The following NASP variants were observed in gnomAD, a reference collection of about 807,000 sequenced individuals.
NASP encodes NASP histone chaperone.
In NASP, 24 loss-of-function variants were observed where a neutral mutation model predicts 89.5. The ratio of observed to expected loss-of-function variants is 0.27; its 90% CI spans 0.19 to 0.38. The LOEUF is 0.38. Ranked by LOEUF, NASP falls within the 10% of genes least tolerant of loss-of-function variation. The pLI, the probability that NASP is intolerant of heterozygous loss-of-function variation, is 1.00. For missense variants in NASP, 848 were observed against 921.4 expected, an observed-to-expected ratio of 0.92 and a Z score of 1.03; for synonymous variants, 306 against 324.7, an observed-to-expected ratio of 0.94 and a Z score of 0.62.
At chr1:45,610,999 T>TG (rs748718175) in intron 6 of NASP, 11 of 152,286 alleles carry the variant, frequency 7.2e-5, no homozygotes, top group Non-Finnish European at 1.5e-4. Context: ...ATTACAGGTG[T>TG]GAACCATTGC....
In NASP at chr1:45,591,261, A is replaced by G; in HGVS notation, c.98A>G (p.Lys33Arg). The change falls in exon 2 of 15, where the codon AAA (lysine) becomes AGA (arginine). Residue 33 changes from lysine to arginine, a missense_variant. Lys to Arg is a conservative substitution (Grantham distance 26). Transcript: ENST00000350030. Reference sequence around the variant, plus strand: ...CCTGCTCCTTCTACATCTGCAGATAAAGTGGAGAGGTAAGATTATTTACAT... The same window carrying G: ...CCTGCTCCTTCTACATCTGCAGATAGAGTGGAGAGGTAAGATTATTTACAT... ...DVPAPSTSADKVESLDVDSEA... is the reference protein window; with the variant it reads ...DVPAPSTSADRVESLDVDSEA... The G allele has an allele frequency of 6.5e-7, 1 of 1,542,296 alleles. No individual in the cohort carries two copies. The highest frequency in any genetic ancestry group is 8.7e-7 in the Non-Finnish European group (1 of 1,144,036).
chr1:45,605,083 C>A, intron 4 of NASP, 67 bp downstream of exon 4: 1 of 1,269,616 alleles, frequency 7.9e-7, no homozygotes, highest in Non-Finnish European at 1.2e-6. Context: ...TGAGATTTCA[C>A]AGGAGCTAAG....
At chr1:45,599,104 TAGAG>T (rs1476206371) in intron 2 of NASP, among the ~76,000 whole-genome samples, 2 of 152,088 alleles carry the variant, frequency 1.3e-5, no homozygotes, top group South Asian at 2.1e-4. Context: ...TTTTTTTAAA[TAGAG>T]AAAGAGTGTT....
intron 11 of NASP, 106 bp downstream of exon 11, chr1:45,615,577 G>C: frequency 9.4e-7 from 1 of 1,061,168 alleles, no homozygotes; most frequent in African/African-American, 1.6e-5. Context: ...GGAGTTGGTG[G>C]GCTCATCTAA....
At chr1:45,591,369 G>T in intron 2 of NASP, 99 bp downstream of exon 2, 5 of 868,602 alleles carry the variant, frequency 5.8e-6, no homozygotes, top group Non-Finnish European at 8.7e-6. Flanking sequence ...ATTTATTTTT[G>T]ATAGAGGCAA....
chr1:45,586,298 T>TGTGTGTGTGGTGTGTGTGTG (rs1557646720), intron 1 of NASP, among the ~76,000 whole-genome samples: 1 of 96,566 alleles, frequency 1.0e-5, no homozygotes, highest in Admixed American at 1.0e-4. Context: ...TGTGTGTGTG[T>TGTGTGTGTGGTGTGTGTGTG]GTGTGTGTGT....
chr1:45,604,923 A>T lies in NASP; in HGVS notation c.219-13A>T. 1 of 1,576,660 alleles carries T rather than the reference A, an allele frequency of 6.3e-7. No individual in the cohort carries two copies. Among genetic ancestry groups the T allele is most frequent in the Non-Finnish European group, 8.7e-7 (1 of 1,150,110 alleles). On this transcript the variant is annotated splice_polypyrimidine_tract_variant and intron_variant, in intron 3 of 14. Coordinates refer to ENST00000350030, the MANE Select transcript of NASP (RefSeq NM_002482.4). ...ATGGTAATTCAGATTTTAGATGTTT[A>T]TTCTCTTTGTAGAGGTAAGAAGTAT...
chr1:45,587,669 T>TAC (rs1414292855), intron 1 of NASP, among the ~76,000 whole-genome samples: 10 of 63,276 alleles, frequency 1.6e-4, no homozygotes, highest in African/African-American at 6.3e-4. Flanking sequence ...TTCATATATA[T>TAC]ATATATATAT....
chr1:45,599,147 G>T (rs1643772484), intron 2 of NASP, among the ~76,000 whole-genome samples: 1 of 151,258 alleles, frequency 6.6e-6, no homozygotes, highest in Non-Finnish European at 1.5e-5. Flanking sequence ...TGTTTGTTTG[G>T]ACATAGGGTC....
Position 45,608,225 on chromosome 1 carries a change from G to A in NASP, c.1314G>A (p.Gly438=), listed in dbSNP as rs955847671. 6.2e-7 allele frequency: 1 copy of A among 1,614,184 alleles called. No homozygotes were observed. Among genetic ancestry groups the A allele is most frequent in the East Asian group, 2.2e-5 (1 of 44,892 alleles). The change falls in exon 6 of 15, where the codon GGG becomes GGA. Residue 438 remains glycine (G), a synonymous_variant. Transcript: ENST00000350030. ...AAGAGTCTGAGGCAGCTGGAGATGGGGTTGATACCAAGGTAGCCCAGGGAG... is the reference window on the plus strand; with the variant it reads ...AAGAGTCTGAGGCAGCTGGAGATGGAGTTGATACCAAGGTAGCCCAGGGAG... The part of the protein sequence containing the change: ...SVEESEAAGD[G]VDTKVAQGAT...
intron 1 of NASP, among the ~76,000 whole-genome samples, chr1:45,585,630 C>T (rs1269968117): frequency 2.6e-5 from 4 of 152,146 alleles, no homozygotes; most frequent in Admixed American, 6.5e-5. Context: ...TCCTAGACAG[C>T]TCTAGCAGTC....
chr1:45,604,383 C>CA (rs1336161334), intron 3 of NASP, among the ~76,000 whole-genome samples: 1 of 152,212 alleles, frequency 6.6e-6, no homozygotes, highest in East Asian at 1.9e-4. Context: ...CTTTTACATA[C>CA]ATTAACTCAT....
At chr1:45,615,641 C>A in intron 11 of NASP, 170 bp downstream of exon 11, 1 of 632,026 alleles carries the variant, frequency 1.6e-6, no homozygotes, top group South Asian at 2.1e-5. Flanking sequence ...GAGCCCCAGA[C>A]TATCTGGGTT....
intron 1 of NASP, among the ~76,000 whole-genome samples, chr1:45,589,206 C>T (rs1472270524): frequency 6.6e-6 from 1 of 152,166 alleles, no homozygotes; most frequent in African/African-American, 2.4e-5. Context: ...TAGCTCACTG[C>T]AGCCTCTATC....
intron 2 of NASP, among the ~76,000 whole-genome samples, chr1:45,599,871 C>T (rs928383049): frequency 4.0e-5 from 6 of 151,364 alleles, no homozygotes; most frequent in African/African-American, 1.5e-4. Context: ...GAAGAGTTTT[C>T]TGTTTCTCAA....
chr1:45,618,030 C>G, intron 14 of NASP, 31 bp from the exon 15 acceptor site: 2 of 1,570,948 alleles, frequency 1.3e-6, no homozygotes, highest in Non-Finnish European at 1.7e-6. Flanking sequence ...AAACTAGGCT[C>G]ACTCATGCCC....
rs1330052585 is a variant in NASP, at chr1:45,584,145, C to T, written c.-2C>T. ...TCGCTGGTTCGCCACCTCAGGGGAA[C>T]GATGGCCATGGAGTCCACAGCCACT... On this transcript the variant is annotated 5_prime_UTR_variant, in exon 1 of 15. It adds an upstream start codon to the 5' untranslated region. Coordinates refer to ENST00000350030, the MANE Select transcript of NASP (RefSeq NM_002482.4). 1 of 1,593,128 alleles carries T rather than the reference C, an allele frequency of 6.3e-7. No homozygotes were observed. Among genetic ancestry groups the T allele is most frequent in the Non-Finnish European group, 8.5e-7 (1 of 1,169,976 alleles).
chr1:45,591,274 A>G lies in NASP; in HGVS notation c.107+4A>G. 1 of 1,517,466 alleles carries G rather than the reference A, an allele frequency of 6.6e-7. No homozygotes were observed. The highest frequency in any genetic ancestry group is 2.4e-5 in the East Asian group (1 of 41,916). The allele number at this position is 1,517,466 out of a possible 1,614,324, so 94.0% of individuals were successfully genotyped here. A position where few individuals can be genotyped will look rare whatever the true frequency, so the allele number is the denominator to read the frequency against. ...CATCTGCAGATAAAGTGGAGAGGTA[A>G]GATTATTTACATGGTAGTTAGATTC... On this transcript the variant is annotated splice_donor_region_variant and intron_variant, in intron 2 of 14. Transcript: ENST00000350030.
intron 2 of NASP, among the ~76,000 whole-genome samples, chr1:45,595,129 T>TTGTGTGTGTGTG (rs57391869): frequency 9.6e-4 from 107 of 111,862 alleles, no homozygotes; most frequent in East Asian, 2.5e-3. Flanking sequence ...AGACTAAGTT[T>TTGTGTGTGTGTG]TGTGTGTGTG....
Sources: gnomAD v4.1 joint callset for allele counts (sites outside exome capture counted in the v4.1 genomes callset) on GRCh38, gnomAD v4.1.1 for gene constraint, MANE v1.5 for transcripts, NCBI Gene and HGNC (gene_info 2026-07-23, HGNC 2026-07-21) for gene names.